MAD1L1: variants seen among roughly 807,000 people sequenced by gnomAD.
MAD1L1 encodes mitotic spindle assembly checkpoint protein MAD1.
MAD1L1 carries 95 observed loss-of-function variants against 96.9 expected under a neutral mutation model. The observed-to-expected ratio is 0.98, with a 90% CI of 0.83 to 1.16. MAD1L1 has a LOEUF of 1.16. MAD1L1 is among the 50% of genes most tolerant of loss of function. The pLI, the probability that MAD1L1 is intolerant of heterozygous loss-of-function variation, is 0.00. For missense variants in MAD1L1, 1,007 were observed against 954.4 expected (o/e 1.06, Z -0.73); for synonymous variants, 473 against 396.6 (o/e 1.19, Z -2.29).
intron 11 of MAD1L1, among the ~76,000 whole-genome samples, chr7:2,131,416 T>C (rs1163262172): frequency 6.6e-6 from 1 of 152,200 alleles, no homozygotes; most frequent in Non-Finnish European, 1.5e-5. Flanking sequence ...TGGCAGAGCA[T>C]GGAGATGAGA....
In MAD1L1 at chr7:1,932,585, C is replaced by T. The variant is rs958750552; in HGVS notation, c.1807+4102G>A. 2.0e-5 allele frequency among the ~76,000 whole-genome samples: 3 copies of T among 152,370 alleles called. No individual in the cohort carries two copies. The East Asian group carries it at 5.8e-4, about 29-fold the overall frequency. ...CTAGGAAACGCTAGATGACTGATCC[C>T]GGATCCTTTGACAAGTGACCTCTGT... On this transcript the variant is annotated intron_variant, in intron 17 of 18. Coordinates refer to ENST00000265854, the MANE Select transcript of MAD1L1 (RefSeq NM_001013836.2).
intron 11 of MAD1L1, among the ~76,000 whole-genome samples, chr7:2,100,712 C>T (rs573631751): frequency 4.6e-5 from 7 of 152,346 alleles, no homozygotes; most frequent in African/African-American, 1.2e-4. Flanking sequence ...AGGTCCTGGC[C>T]GCAAATCATC....
chr7:1,867,343 A>ACCCCC (rs538910046), intron 18 of MAD1L1, among the ~76,000 whole-genome samples: 55 of 151,706 alleles, frequency 3.6e-4, no homozygotes, highest in African/African-American at 1.1e-3. Context: ...CCTCCGCAGG[A>ACCCCC]CCCCCCCGGA....
At chr7:1,939,334 C>T (rs999550952) in intron 16 of MAD1L1, among the ~76,000 whole-genome samples, 1 of 151,782 alleles carries the variant, frequency 6.6e-6, no homozygotes, top group Non-Finnish European at 1.5e-5. Context: ...CATACACACA[C>T]ACACAGGCCA....
chr7:2,002,108 T>C lies in MAD1L1; in HGVS notation c.1373A>G (p.Gln458Arg), dbSNP rs1781824397. 1 of 1,613,102 alleles carries C rather than the reference T, an allele frequency of 6.2e-7. No homozygotes were observed. Among genetic ancestry groups the C allele is most frequent in the East Asian group, 2.2e-5 (1 of 44,886 alleles). ...HSAEMEAQLS[Q>R]ALEELGGQKQ... Reference sequence around the variant, plus strand: ...CTGGCCTCCCAGCTCCTCCAGGGCCTGCGACAGCTGAGCCTGCAAGACAAG... The same window carrying C: ...CTGGCCTCCCAGCTCCTCCAGGGCCCGCGACAGCTGAGCCTGCAAGACAAG... Residue 458 changes from glutamine (Q) to arginine (R), a missense_variant, in exon 14 of 19, where the codon CAG becomes CGG. Gln to Arg is a conservative substitution (Grantham distance 43). Coordinates refer to ENST00000265854, the MANE Select transcript of MAD1L1 (RefSeq NM_001013836.2).
Position 2,146,066 on chromosome 7 carries a change from A to C in MAD1L1, c.1073+3086T>G, listed in dbSNP as rs1019442707. On this transcript the variant is annotated intron_variant, in intron 11 of 18. Coordinates refer to ENST00000265854, the MANE Select transcript of MAD1L1 (RefSeq NM_001013836.2). The surrounding 1 kb of genome is among the most constrained non-coding windows in gnomAD (Gnocchi z 6.2). The stretch of plus-strand genomic sequence containing the variant: ...CAAGACTGCGTGGTGTAGGCTGCTC[A>C]CAGCGGCACACTACGCCGGCTGATA... Among the ~76,000 whole-genome samples, 1 of 152,190 alleles carries C rather than the reference A, an allele frequency of 6.6e-6. No homozygotes were observed. The highest frequency in any genetic ancestry group is 2.4e-5 in the African/African-American group (1 of 41,438).
chr7:2,182,785 CT>C (rs1791263456), intron 10 of MAD1L1, among the ~76,000 whole-genome samples: 1 of 152,226 alleles, frequency 6.6e-6, no homozygotes, highest in South Asian at 2.1e-4. Context: ...AGAGGAGTGA[CT>C]GCCAGGGGCT....
chr7:2,070,662 C>T (rs1229958486), intron 11 of MAD1L1, among the ~76,000 whole-genome samples: 1 of 152,220 alleles, frequency 6.6e-6, no homozygotes, highest in Non-Finnish European at 1.5e-5. Context: ...AACTTCTTTC[C>T]AAAGGAAATC....
chr7:2,082,806 C>G (rs1448154072), intron 11 of MAD1L1, among the ~76,000 whole-genome samples: 1 of 152,254 alleles, frequency 6.6e-6, no homozygotes, highest in Non-Finnish European at 1.5e-5. Context: ...GCACTCGGCC[C>G]AGCCTCCGCC....
intron 18 of MAD1L1, among the ~76,000 whole-genome samples, chr7:1,841,749 G>A (rs1202306172): frequency 6.6e-6 from 1 of 152,250 alleles, no homozygotes; most frequent in Non-Finnish European, 1.5e-5. Flanking sequence ...TCACTCTGCT[G>A]TCCCCGTCCT....
intron 10 of MAD1L1, among the ~76,000 whole-genome samples, chr7:2,166,323 C>T (rs1386499773): frequency 2.0e-5 from 3 of 152,110 alleles, no homozygotes; most frequent in Admixed American, 6.5e-5. Flanking sequence ...GAAGAAATGC[C>T]GGCTTTACAG....
chr7:1,921,163 G>C (rs897721639), intron 17 of MAD1L1, among the ~76,000 whole-genome samples: 3 of 152,214 alleles, frequency 2.0e-5, no homozygotes, highest in African/African-American at 4.8e-5. Flanking sequence ...CTGAGACGTG[G>C]TATCGGTGAG....
intron 16 of MAD1L1, among the ~76,000 whole-genome samples, chr7:1,941,219 C>G (rs1778981923): frequency 6.6e-6 from 1 of 152,180 alleles, no homozygotes; most frequent in Non-Finnish European, 1.5e-5. Flanking sequence ...ACGTCAAGTT[C>G]CCCGGGGTGG....
At chr7:2,059,653 A>G (rs1299194944) in intron 12 of MAD1L1, among the ~76,000 whole-genome samples, 2 of 139,122 alleles carry the variant, frequency 1.4e-5, no homozygotes, top group African/African-American at 5.5e-5. Context: ...GAGAGGGAGC[A>G]TGGCCAGGGG....
intron 18 of MAD1L1, among the ~76,000 whole-genome samples, chr7:1,868,517 A>C (rs532309005): frequency 4.4e-4 from 67 of 151,166 alleles, no homozygotes; most frequent in African/African-American, 1.6e-3. Context: ...AAGAAAGTAC[A>C]GGCTCAGCAG....
At chr7:1,891,144 TTTC>T (rs1786513502) in intron 18 of MAD1L1, among the ~76,000 whole-genome samples, 1 of 152,194 alleles carries the variant, frequency 6.6e-6, no homozygotes, top group Non-Finnish European at 1.5e-5. Flanking sequence ...TGCGGGGCTA[TTTC>T]TTCTTCCCAG....
chr7:1,949,189 C>T lies in MAD1L1; in HGVS notation c.1596+8440G>A, dbSNP rs113852233. 1.6e-3 allele frequency among the ~76,000 whole-genome samples: 245 copies of T among 152,310 alleles called. 2 individuals carry two copies. Among genetic ancestry groups the T allele is most frequent in the African/African-American group, 5.7e-3 (236 of 41,580 alleles). ...CTCTGCGGTCCAGAGTGTGTGCACA[C>T]GCACTAGCTTGCTCTCTGAGCCTCG... is the stretch of plus-strand genomic sequence containing the variant. On this transcript the variant is annotated intron_variant, in intron 16 of 18. Transcript: ENST00000265854.
intron 16 of MAD1L1, among the ~76,000 whole-genome samples, chr7:1,944,432 G>A (rs527305191): frequency 1.1e-4 from 16 of 152,320 alleles, no homozygotes; most frequent in Middle Eastern, 3.4e-3. Flanking sequence ...AGCAGGAAGC[G>A]TGGATGCAGC....
chr7:2,044,792 G>A lies in MAD1L1; in HGVS notation c.1218+24402C>T, dbSNP rs534215402. Reference sequence around the variant, plus strand: ...CCCAGCTCAGTGAGACAGACCCCAAGAAATGGAGGCCATCAGTATGGCGTA... The same window carrying A: ...CCCAGCTCAGTGAGACAGACCCCAAAAAATGGAGGCCATCAGTATGGCGTA... On this transcript the variant is annotated intron_variant, in intron 12 of 18. Transcript: ENST00000265854. Among the ~76,000 whole-genome samples the A allele has an allele frequency of 7.2e-4, 110 of 152,294 alleles. 1 individual carries two copies. Among genetic ancestry groups the A allele is most frequent in the African/African-American group, 2.5e-3 (104 of 41,564 alleles).
Sources: gnomAD v4.1 joint callset for allele counts (sites outside exome capture counted in the v4.1 genomes callset) on GRCh38, gnomAD v4.1.1 for gene constraint, Gnocchi (gnomAD v3.1) non-coding constraint, MANE v1.5 for transcripts, NCBI Gene and HGNC (gene_info 2026-07-23, HGNC 2026-07-21) for gene names.